SMYD3: variants seen among roughly 807,000 people sequenced by gnomAD.
SMYD3 encodes the protein histone-lysine N-methyltransferase SMYD3.
In SMYD3, 36 loss-of-function variants were observed where a neutral mutation model predicts 57.7. That is an observed-to-expected ratio of 0.62 (90% CI 0.48 to 0.82). SMYD3 has a LOEUF of 0.82. Among genes scored for constraint, SMYD3 ranks in the 40% least tolerant of loss-of-function variants. SMYD3 has a pLI of 0.00. For missense variants in SMYD3, 515 were observed against 538.8 expected (o/e 0.96, Z 0.44); for synonymous variants, 211 against 195.0 (o/e 1.08, Z -0.68).
chr1:245,937,869 C>G (rs1049934347), intron 5 of SMYD3, among the ~76,000 whole-genome samples: 3 of 152,226 alleles, frequency 2.0e-5, no homozygotes, highest in Non-Finnish European at 4.4e-5. Flanking sequence ...TGTAATCTTA[C>G]TCCCAGTACT....
At chr1:246,505,462 T>A (rs941186556) in intron 1 of SMYD3, among the ~76,000 whole-genome samples, 1 of 149,078 alleles carries the variant, frequency 6.7e-6, no homozygotes, top group East Asian at 1.9e-4. Context: ...GGGTCCAGTG[T>A]CTATGGTGTT....
At chr1:246,494,726 A>G (rs2103071848) in intron 1 of SMYD3, among the ~76,000 whole-genome samples, 1 of 152,352 alleles carries the variant, frequency 6.6e-6, no homozygotes, top group South Asian at 2.1e-4. Context: ...AAATGCTAAC[A>G]AGGATTAAAT....
chr1:245,749,952 C>T (rs900796502), intron 11 of SMYD3, among the ~76,000 whole-genome samples: 2 of 152,160 alleles, frequency 1.3e-5, no homozygotes, highest in Non-Finnish European at 2.9e-5. Context: ...GGTGGGTAGT[C>T]ACAGGGATAA....
chr1:245,995,661 G>C (rs770006092), intron 5 of SMYD3, among the ~76,000 whole-genome samples: 4 of 152,232 alleles, frequency 2.6e-5, no homozygotes, highest in African/African-American at 4.8e-5. Context: ...GATGCAGTAG[G>C]GGGTGGGGGA....
At chr1:245,805,486 T>C (rs1484096975) in intron 10 of SMYD3, among the ~76,000 whole-genome samples, 1 of 152,266 alleles carries the variant, frequency 6.6e-6, no homozygotes, top group African/African-American at 2.4e-5. Context: ...GTTAAACATT[T>C]GCTGATGTGC....
intron 1 of SMYD3, among the ~76,000 whole-genome samples, chr1:246,389,969 A>AT (rs1302988181): frequency 6.6e-6 from 1 of 152,178 alleles, no homozygotes; most frequent in Non-Finnish European, 1.5e-5. Flanking sequence ...AAAAGCCAGT[A>AT]TCTTTGCTAC....
chr1:245,812,207 A>C lies in SMYD3; in HGVS notation c.1076+46289T>G, dbSNP rs1934581. Among the ~76,000 whole-genome samples the C allele has an allele frequency of 2.0e-4, 30 of 152,300 alleles. No individual in the cohort carries two copies. The East Asian group carries it at 5.4e-3, about 27-fold the overall frequency. ...CCCAGAAAACCATAAGGATGGATTGAAGGACTAAAGTCCAACAGTTAAAAC... is the reference window on the plus strand; with the variant it reads ...CCCAGAAAACCATAAGGATGGATTGCAGGACTAAAGTCCAACAGTTAAAAC... On this transcript the variant is annotated intron_variant, in intron 10 of 11. Transcript: ENST00000490107.
At chr1:246,488,201 C>G (rs1051672770) in intron 1 of SMYD3, among the ~76,000 whole-genome samples, 9 of 152,162 alleles carry the variant, frequency 5.9e-5, no homozygotes, top group African/African-American at 2.2e-4. Flanking sequence ...AAAAAGAAGT[C>G]TGGGCATTTT....
intron 5 of SMYD3, among the ~76,000 whole-genome samples, chr1:246,255,420 A>C (rs1306146477): frequency 2.0e-5 from 3 of 151,840 alleles, no homozygotes; most frequent in Non-Finnish European, 4.4e-5. Context: ...CTTTCTCTGC[A>C]TCCATTGGGG....
intron 5 of SMYD3, among the ~76,000 whole-genome samples, chr1:246,304,425 T>C (rs1030687873): frequency 2.0e-5 from 3 of 152,188 alleles, no homozygotes; most frequent in Non-Finnish European, 4.4e-5. Context: ...TTCAATGTAA[T>C]GTGTACATAT....
At chr1:245,863,045 C>T (rs2051640690) in intron 9 of SMYD3, among the ~76,000 whole-genome samples, 1 of 152,224 alleles carries the variant, frequency 6.6e-6, no homozygotes. Flanking sequence ...CTGCTATGTT[C>T]TTAGTGCCTG....
At chr1:246,376,589 T>TAAAAAAAAA (rs55996523) in intron 1 of SMYD3, among the ~76,000 whole-genome samples, 2 of 85,160 alleles carry the variant, frequency 2.3e-5, no homozygotes, top group Non-Finnish European at 4.3e-5. Flanking sequence ...ACACTCCATC[T>TAAAAAAAAA]AAAAAAAAAA....
chr1:246,453,668 G>A (rs1462407015), intron 1 of SMYD3, among the ~76,000 whole-genome samples: 1 of 152,126 alleles, frequency 6.6e-6, no homozygotes, highest in Non-Finnish European at 1.5e-5. Context: ...AAAAGCCACA[G>A]GGTTGAAAGC....
chr1:246,019,999 T>C (rs2059443643), intron 5 of SMYD3, among the ~76,000 whole-genome samples: 1 of 152,228 alleles, frequency 6.6e-6, no homozygotes, highest in Admixed American at 6.5e-5. Context: ...TATAGACTTG[T>C]TACTTGCCTG....
At chr1:246,407,826 C>G (rs2066890371) in intron 1 of SMYD3, among the ~76,000 whole-genome samples, 1 of 150,592 alleles carries the variant, frequency 6.6e-6, no homozygotes, top group Non-Finnish European at 1.5e-5. Flanking sequence ...TGGGCAACAG[C>G]AAGACTCCGT....
chr1:246,287,506 T>A (rs1337155281), intron 5 of SMYD3, among the ~76,000 whole-genome samples: 1 of 152,196 alleles, frequency 6.6e-6, no homozygotes, highest in Non-Finnish European at 1.5e-5. Context: ...ACAAGCTGGG[T>A]TTAAATTGCG....
intron 10 of SMYD3, among the ~76,000 whole-genome samples, chr1:245,790,220 A>C (rs1409135584): frequency 2.0e-5 from 3 of 152,202 alleles, no homozygotes; most frequent in Non-Finnish European, 4.4e-5. Context: ...TGATGAAAAA[A>C]CAGTAGGTGG....
At chr1:245,846,636 CT>C (rs935812994) in intron 10 of SMYD3, among the ~76,000 whole-genome samples, 36 of 152,334 alleles carry the variant, frequency 2.4e-4, no homozygotes, top group African/African-American at 8.4e-4. Context: ...TAACATCCTT[CT>C]CACTCTGGCT....
At chr1:246,184,519 T>C (rs1297877744) in intron 5 of SMYD3, among the ~76,000 whole-genome samples, 1 of 152,196 alleles carries the variant, frequency 6.6e-6, no homozygotes, top group Non-Finnish European at 1.5e-5. Context: ...CTTCTAACAA[T>C]ATCACAGATT....
Sources: allele counts gnomAD v4.1 joint callset (sites outside exome capture counted in the v4.1 genomes callset), GRCh38; gene constraint gnomAD v4.1.1; transcripts MANE v1.5; gene names NCBI Gene and HGNC (gene_info 2026-07-23, HGNC 2026-07-21).